Variants in RBPMS observed in about 807,000 individuals in gnomAD.
The protein encoded by RBPMS is RNA-binding protein with multiple splicing.
A neutral mutation model predicts 26.8 loss-of-function variants in RBPMS; 7 were observed. The ratio of observed to expected loss-of-function variants is 0.26; its 90% confidence interval spans 0.15 to 0.49. RBPMS has a LOEUF of 0.49. RBPMS is among the 20% of genes least tolerant of loss of function. The pLI, the probability that RBPMS is intolerant of heterozygous loss-of-function variation, is 0.98. For synonymous variants in RBPMS, 96 were observed against 93.3 expected (o/e 1.03, Z -0.17); for missense variants, 186 against 250.0 (o/e 0.74, Z 1.73).
intron 7 of RBPMS, among the ~76,000 whole-genome samples, chr8:30,563,783 G>C (rs1297140637): frequency 6.6e-6 from 1 of 152,136 alleles, no homozygotes; most frequent in African/African-American, 2.4e-5. Context: ...AAGGCACTGG[G>C]GCTCCAGAGG....
At chr8:30,570,045 G>C (rs1425732044) in intron 8 of RBPMS, among the ~76,000 whole-genome samples, 4 of 152,140 alleles carry the variant, frequency 2.6e-5, no homozygotes, top group Non-Finnish European at 4.4e-5. Flanking sequence ...AAAGTCACAG[G>C]TCAGATACAA....
At chr8:30,468,850 T>TAG (rs1308001491) in intron 1 of RBPMS, among the ~76,000 whole-genome samples, 3 of 152,226 alleles carry the variant, frequency 2.0e-5, no homozygotes, top group Non-Finnish European at 2.9e-5. Flanking sequence ...TATGGGTAGA[T>TAG]AGAGAGAGAG....
intron 1 of RBPMS, among the ~76,000 whole-genome samples, chr8:30,391,321 C>A (rs1160265143): frequency 6.6e-6 from 1 of 152,194 alleles, no homozygotes; most frequent in Non-Finnish European, 1.5e-5. Flanking sequence ...AGCATGGACT[C>A]CCTGTGTTCC....
At chr8:30,549,772 T>TTTTCTTCTCTCTCTCTCTC (rs1182285469) in intron 6 of RBPMS, among the ~76,000 whole-genome samples, 2 of 71,226 alleles carry the variant, frequency 2.8e-5, no homozygotes, top group African/African-American at 1.5e-4. Context: ...TTTTCTTTTC[T>TTTTCTTCTCTCTCTCTCTC]TCTCTCTCTC....
chr8:30,441,275 G>A (rs1813045477), intron 1 of RBPMS, among the ~76,000 whole-genome samples: 1 of 152,146 alleles, frequency 6.6e-6, no homozygotes, highest in African/African-American at 2.4e-5. Flanking sequence ...CCTAAACACT[G>A]TTTTGGGGTT....
At chr8:30,506,831 A>G (rs977645581) in intron 5 of RBPMS, among the ~76,000 whole-genome samples, 2 of 152,204 alleles carry the variant, frequency 1.3e-5, no homozygotes, top group African/African-American at 4.8e-5. Flanking sequence ...GTTTGATTAT[A>G]CAACACACAT....
chr8:30,500,991 A>G (rs1385361836), intron 4 of RBPMS, among the ~76,000 whole-genome samples: 2 of 152,084 alleles, frequency 1.3e-5, no homozygotes, highest in Non-Finnish European at 2.9e-5. Flanking sequence ...TGTGGTCCCT[A>G]CACAAACAGC....
chr8:30,542,879 G>C (rs1039040526), intron 5 of RBPMS, among the ~76,000 whole-genome samples: 1 of 152,146 alleles, frequency 6.6e-6, no homozygotes, highest in African/African-American at 2.4e-5. Flanking sequence ...TTGGGCTACA[G>C]GCACCTACAC....
intron 5 of RBPMS, among the ~76,000 whole-genome samples, chr8:30,515,489 A>G (rs908990131): frequency 3.3e-5 from 5 of 152,206 alleles, no homozygotes; most frequent in Non-Finnish European, 7.3e-5. Flanking sequence ...ACTACAGCCA[A>G]TACAATATGT....
intron 4 of RBPMS, among the ~76,000 whole-genome samples, chr8:30,499,229 C>T (rs1468675372): frequency 6.6e-6 from 1 of 152,106 alleles, no homozygotes; most frequent in Admixed American, 6.6e-5. Flanking sequence ...GAGATCATGC[C>T]GCTGCACTGT....
rs191892976 is a variant in RBPMS, at chr8:30,515,488, A to G, written c.397+11052A>G. On this transcript the variant is annotated intron_variant, in intron 5 of 8. Coordinates refer to ENST00000397323, the MANE Select transcript of RBPMS (RefSeq NM_001008710.3). Reference sequence around the variant, plus strand: ...CATATTTTTTTCATATACTACAGCCAATACAATATGTTACAATAGATTTAA... The same window carrying G: ...CATATTTTTTTCATATACTACAGCCGATACAATATGTTACAATAGATTTAA... 1.3e-3 allele frequency among the ~76,000 whole-genome samples: 204 copies of G among 152,318 alleles called. 3 individuals carry two copies. Among genetic ancestry groups the G allele is most frequent in the South Asian group, 0.012 (59 of 4,822 alleles).
At chr8:30,547,484 G>A (rs1825967903) in intron 6 of RBPMS, 1 of 1,549,560 alleles carries the variant, frequency 6.5e-7, no homozygotes, top group African/African-American at 1.4e-5. Context: ...ACCTTTGAGA[G>A]ATTTCAATAA....
chr8:30,436,874 A>G (rs1486059056), intron 1 of RBPMS, among the ~76,000 whole-genome samples: 2 of 152,048 alleles, frequency 1.3e-5, no homozygotes, highest in Non-Finnish European at 2.9e-5. Context: ...CTGTAACTGA[A>G]TAAATATTGA....
At chr8:30,459,519 G>A (rs1235443541) in intron 1 of RBPMS, among the ~76,000 whole-genome samples, 1 of 152,082 alleles carries the variant, frequency 6.6e-6, no homozygotes, top group African/African-American at 2.4e-5. Context: ...GGTTCTCAAT[G>A]GCAAGAAGTA....
intron 6 of RBPMS, among the ~76,000 whole-genome samples, chr8:30,548,345 G>C (rs1826026994): frequency 7.9e-6 from 1 of 127,288 alleles, no homozygotes; most frequent in Non-Finnish European, 1.6e-5. Context: ...AAAGTATACT[G>C]TCCTTACCAC....
intron 1 of RBPMS, among the ~76,000 whole-genome samples, chr8:30,457,135 C>T (rs906056228): frequency 6.6e-6 from 1 of 152,206 alleles, no homozygotes; most frequent in Non-Finnish European, 1.5e-5. Flanking sequence ...GTCATGTCTG[C>T]TCTGAAACAT....
At chr8:30,423,770 ATGGTGCGGGGGTTTAAAC>A (rs1251757280) in intron 1 of RBPMS, among the ~76,000 whole-genome samples, 1 of 151,864 alleles carries the variant, frequency 6.6e-6, no homozygotes, top group East Asian at 1.9e-4. Context: ...GAAAGGCAGG[ATGGTGCGGGGGTTTAAAC>A]TAGGTTTGTA....
At chr8:30,442,049 A>C (rs1373845271) in intron 1 of RBPMS, among the ~76,000 whole-genome samples, 1 of 151,992 alleles carries the variant, frequency 6.6e-6, no homozygotes, top group African/African-American at 2.4e-5. Flanking sequence ...CAGCCTCCCC[A>C]AGTGCTGGGA....
At chr8:30,549,543 C>A (rs143076913) in intron 6 of RBPMS, 2 of 1,614,192 alleles carry the variant, frequency 1.2e-6, no homozygotes, top group Non-Finnish European at 1.7e-6. Flanking sequence ...CCCTTGAGCG[C>A]TCCGTCTCCT....
Sources: gnomAD v4.1 joint callset for allele counts (sites outside exome capture counted in the v4.1 genomes callset) on GRCh38, gnomAD v4.1.1 for gene constraint, MANE v1.5 for transcripts, NCBI Gene and HGNC (gene_info 2026-07-23, HGNC 2026-07-21) for gene names.